Variants in NEK6 observed in about 807,000 individuals in gnomAD.
The protein encoded by NEK6 is serine/threonine-protein kinase Nek6.
In NEK6, 27 loss-of-function variants were observed where a neutral mutation model predicts 43.5. The observed-to-expected ratio is 0.62, with a 90% CI of 0.46 to 0.86. NEK6 has a LOEUF of 0.86. NEK6 is among the 40% of genes least tolerant of loss of function. NEK6 has a pLI of 0.00. For missense variants in NEK6, 318 were observed against 414.4 expected, an observed-to-expected ratio of 0.77 and a Z score of 2.02; for synonymous variants, 167 against 164.1, an observed-to-expected ratio of 1.02 and a Z score of -0.14.
intron 1 of NEK6, among the ~76,000 whole-genome samples, chr9:124,284,265 C>G (rs144724394): frequency 6.6e-6 from 1 of 152,224 alleles, no homozygotes; most frequent in East Asian, 1.9e-4. Context: ...ACGATAATTG[C>G]TTGAACTAGG....
chr9:124,299,703 A>G (rs1832860011), intron 1 of NEK6, among the ~76,000 whole-genome samples: 2 of 152,118 alleles, frequency 1.3e-5, no homozygotes, highest in Admixed American at 6.5e-5. Context: ...AGGTGCACCC[A>G]TAATGCCCCT....
intron 1 of NEK6, among the ~76,000 whole-genome samples, chr9:124,271,790 C>A (rs1831447903): frequency 6.6e-6 from 1 of 152,282 alleles, no homozygotes; most frequent in African/African-American, 2.4e-5. Context: ...GCTGCCTGTC[C>A]ACTCCTGCCC....
Position 124,321,557 on chromosome 9 carries a change from G to T in NEK6, c.393G>T (p.Ser131=), listed in dbSNP as rs772506464. 4 of 1,611,172 alleles carry T rather than the reference G, an allele frequency of 2.5e-6. No individual in the cohort carries two copies. The highest frequency in any genetic ancestry group is 3.3e-4 in the Middle Eastern group (2 of 6,060). Residue 131 remains serine (S), a synonymous_variant, in exon 5 of 10, where the codon TCG becomes TCT. Coordinates refer to ENST00000320246, the MANE Select transcript of NEK6 (RefSeq NM_014397.6). The part of the protein sequence containing the change: ...VLELADAGDL[S]QMIKYFKKQK... ...AGTTGGCTGACGCAGGGGACCTCTC[G>T]CAGATGATCAAGGTGAGCGCCTGGC...
chr9:124,301,166 C>G (rs1026737126), intron 1 of NEK6, among the ~76,000 whole-genome samples: 1 of 152,196 alleles, frequency 6.6e-6, no homozygotes, highest in Non-Finnish European at 1.5e-5. Flanking sequence ...AGACCCTGCC[C>G]CAGAAGCACT....
chr9:124,271,376 ATGGG>A (rs1831430542), intron 1 of NEK6, among the ~76,000 whole-genome samples: 1 of 152,180 alleles, frequency 6.6e-6, no homozygotes, highest in Non-Finnish European at 1.5e-5. Flanking sequence ...CAGCCCCAAA[ATGGG>A]GAGGCTCAGC....
At chr9:124,347,570 G>C (rs959262570) in intron 8 of NEK6, 139 bp from the exon 9 acceptor site, 11 of 542,518 alleles carry the variant, frequency 2.0e-5, no homozygotes, top group Non-Finnish European at 3.3e-5. Context: ...CGGTGATTCG[G>C]GGGAGAAGTC....
intron 1 of NEK6, among the ~76,000 whole-genome samples, chr9:124,288,206 G>A (rs975292143): frequency 6.6e-6 from 1 of 152,260 alleles, no homozygotes; most frequent in African/African-American, 2.4e-5. Flanking sequence ...CAGGGATATC[G>A]CTGTTGCGTG....
At position 124,275,680 on chromosome 9, in the gene NEK6, C is replaced by T. The variant is rs1024090720; in HGVS notation, c.-30+17595C>T. On this transcript the variant is annotated intron_variant, in intron 1 of 9. Coordinates refer to ENST00000320246, the MANE Select transcript of NEK6 (RefSeq NM_014397.6). The surrounding 1 kb of genome is among the most constrained non-coding windows in gnomAD (Gnocchi z 4.4). ...GGCCCACTAATGGCCAGTCCCCTGC[C>T]CCAGGATCCCCTCCAGGGCTAGGAC... Among the ~76,000 whole-genome samples, 1 of 152,242 alleles carries T rather than the reference C, an allele frequency of 6.6e-6. No homozygotes were observed. Among genetic ancestry groups the T allele is most frequent in the African/African-American group, 2.4e-5 (1 of 41,464 alleles).
chr9:124,327,206 A>C (rs1427184540), intron 6 of NEK6, 132 bp from the exon 7 acceptor site: 9 of 716,550 alleles, frequency 1.3e-5, no homozygotes, highest in Non-Finnish European at 2.2e-5. Context: ...CCACAGCCAG[A>C]GCCAGGACAG....
At chr9:124,298,257 C>T (rs1832793936) in intron 1 of NEK6, among the ~76,000 whole-genome samples, 1 of 152,014 alleles carries the variant, frequency 6.6e-6, no homozygotes, top group Non-Finnish European at 1.5e-5. Context: ...CAGCAGGGAC[C>T]CTCTCTGGCT....
At chr9:124,342,236 CGGTGTCA>C (rs1356517648) in intron 8 of NEK6, among the ~76,000 whole-genome samples, 1 of 152,236 alleles carries the variant, frequency 6.6e-6, no homozygotes, top group Non-Finnish European at 1.5e-5. Flanking sequence ...ATCGTTCACC[CGGTGTCA>C]GATCCTGAGG....
intron 8 of NEK6, among the ~76,000 whole-genome samples, chr9:124,340,464 G>A (rs930824738): frequency 1.3e-5 from 2 of 152,162 alleles, no homozygotes; most frequent in Non-Finnish European, 1.5e-5. Context: ...GGGTGGCTCC[G>A]GGATTCCATC....
Position 124,326,306 on chromosome 9 carries a change from C to T in NEK6, c.406-24C>T, listed in dbSNP as rs1017539738. 5 of 1,583,290 alleles carry T rather than the reference C, an allele frequency of 3.2e-6. No homozygotes were observed. The highest frequency in any genetic ancestry group is 1.7e-5 in the Admixed American group (1 of 59,856). The stretch of plus-strand genomic sequence containing the variant: ...CAAGCCCGCTCACCCGGGCCTATCC[C>T]TCTGCTTGTCTCCCCCACTGCAGTA... On this transcript the variant is annotated intron_variant, in intron 5 of 9. Transcript: ENST00000320246. This position sits in a 1 kb window ranked among gnomAD's most constrained non-coding sequence, Gnocchi z 4.5.
At chr9:124,281,422 C>G (rs1247082329) in intron 1 of NEK6, among the ~76,000 whole-genome samples, 3 of 152,052 alleles carry the variant, frequency 2.0e-5, no homozygotes, top group Non-Finnish European at 4.4e-5. Flanking sequence ...TTCCGCGGAC[C>G]CACGGTGAAA....
At position 124,326,202 on chromosome 9, in the gene NEK6, T is replaced by TTA; in HGVS notation, c.406-128_406-127insTA. ...GCTTATTGTTTGCTCAGTGGCTCAA[T>TTA]CCCCCCCCCCCGCCCCTGCCAGGCA... On this transcript the variant is annotated intron_variant, in intron 5 of 9. Transcript: ENST00000320246. This position sits in a 1 kb window ranked among gnomAD's most constrained non-coding sequence, Gnocchi z 4.5. 8.1e-6 allele frequency: 1 copy of TTA among 124,052 alleles called. No homozygotes were observed. The highest frequency in any genetic ancestry group is 2.0e-5 in the Non-Finnish European group (1 of 50,618). 7.7% of individuals were successfully genotyped at this position (124,052 alleles called of 1,614,324 possible).
chr9:124,292,201 C>T (rs910317780), intron 1 of NEK6: 1 of 1,256,942 alleles, frequency 8.0e-7, no homozygotes, highest in Non-Finnish European at 1.0e-6. Context: ...GCTCCAGGGA[C>T]CTTGACCTGG....
chr9:124,259,848 G>A (rs926734651), intron 1 of NEK6, among the ~76,000 whole-genome samples: 6 of 152,244 alleles, frequency 3.9e-5, no homozygotes, highest in Admixed American at 1.3e-4. Context: ...GTCTCAGACT[G>A]AAGGCCTTAG....
chr9:124,296,394 G>A (rs1377644844), intron 1 of NEK6, among the ~76,000 whole-genome samples: 1 of 152,142 alleles, frequency 6.6e-6, no homozygotes, highest in Admixed American at 6.5e-5. Context: ...GGCCAAGGCT[G>A]ACCTCCAAGG....
At chr9:124,337,961 C>G (rs1307388229) in intron 7 of NEK6, among the ~76,000 whole-genome samples, 1 of 151,948 alleles carries the variant, frequency 6.6e-6, no homozygotes, top group Non-Finnish European at 1.5e-5. Flanking sequence ...GTAATTGTAC[C>G]TCATTGTGTT....
Sources: gnomAD v4.1 joint callset for allele counts (sites outside exome capture counted in the v4.1 genomes callset) on GRCh38, gnomAD v4.1.1 for gene constraint, Gnocchi (gnomAD v3.1) non-coding constraint, MANE v1.5 for transcripts, NCBI Gene and HGNC (gene_info 2026-07-23, HGNC 2026-07-21) for gene names.